The following MAML3 variants were observed in gnomAD, a reference collection of about 807,000 sequenced individuals.
MAML3 encodes mastermind-like protein 3.
A neutral mutation model predicts 101.9 loss-of-function variants in MAML3; 27 were observed. The ratio of observed to expected loss-of-function variants is 0.27; its 90% CI spans 0.20 to 0.37. The LOEUF is 0.37. MAML3 is among the 10% of genes least tolerant of loss of function. The probability of loss-of-function intolerance (pLI) is 1.00; values close to 1 mark genes in which losing one functional copy is unlikely to be tolerated. For synonymous variants in MAML3, 501 were observed against 555.9 expected, an observed-to-expected ratio of 0.90 and a Z score of 1.39; for missense variants, 1,316 against 1,444.9, an observed-to-expected ratio of 0.91 and a Z score of 1.45.
At chr4:140,114,896 T>C (rs1728492195) in intron 1 of MAML3, among the ~76,000 whole-genome samples, 2 of 152,240 alleles carry the variant, frequency 1.3e-5, no homozygotes, top group South Asian at 4.1e-4. Flanking sequence ...CCTAATATCA[T>C]CAAATATTGA....
At chr4:139,912,819 G>A (rs946095063) in intron 1 of MAML3, among the ~76,000 whole-genome samples, 2 of 152,188 alleles carry the variant, frequency 1.3e-5, no homozygotes, top group African/African-American at 2.4e-5. Context: ...GAGGAAGCAC[G>A]GCCCTGCTCA....
intron 1 of MAML3, among the ~76,000 whole-genome samples, chr4:140,143,599 A>G (rs1296341794): frequency 2.6e-5 from 4 of 152,128 alleles, no homozygotes; most frequent in Non-Finnish European, 4.4e-5. Context: ...CGTCTCTACT[A>G]AAAATACAAA....
At chr4:139,841,086 C>A in intron 2 of MAML3, among the ~76,000 whole-genome samples, 1 of 152,136 alleles carries the variant, frequency 6.6e-6, no homozygotes, top group East Asian at 1.9e-4. Context: ...TGGCTTCCAG[C>A]ATTATAAGGG....
intron 1 of MAML3, among the ~76,000 whole-genome samples, chr4:140,149,341 T>C (rs922182928): frequency 1.5e-4 from 23 of 152,196 alleles, no homozygotes; most frequent in African/African-American, 5.3e-4. Flanking sequence ...ACCTGCTCTA[T>C]CAACAGGGCT....
In MAML3 at chr4:139,908,976, C is replaced by T. The variant is rs554103398; in HGVS notation, c.469-18009G>A. Among the ~76,000 whole-genome samples, 8 of 152,278 alleles carry T rather than the reference C, an allele frequency of 5.3e-5. No homozygotes were observed. In the South Asian group the frequency reaches 1.7e-3, roughly 32 times the overall value. On this transcript the variant is annotated intron_variant, in intron 1 of 4. Transcript: ENST00000509479. Reference sequence around the variant, plus strand: ...TGAAGTGTCACAGAAATACATTATGCGAAGTACGCCCTGAATCACATTTAG... The same window carrying T: ...TGAAGTGTCACAGAAATACATTATGTGAAGTACGCCCTGAATCACATTTAG...
intron 2 of MAML3, among the ~76,000 whole-genome samples, chr4:139,768,223 T>TGTGTG (rs1491117521): frequency 5.5e-4 from 4 of 7,266 alleles, no homozygotes; most frequent in African/African-American, 2.3e-3. Flanking sequence ...TGTTGATAGT[T>TGTGTG]GTGTGTGTGT....
chr4:139,927,747 C>T (rs960644041), intron 1 of MAML3, among the ~76,000 whole-genome samples: 3 of 152,148 alleles, frequency 2.0e-5, no homozygotes, highest in African/African-American at 7.2e-5. Flanking sequence ...GCCATGGGAA[C>T]ACATTTATGC....
chr4:139,974,199 G>A (rs1021071188), intron 1 of MAML3, among the ~76,000 whole-genome samples: 4 of 150,568 alleles, frequency 2.7e-5, no homozygotes, highest in South Asian at 2.1e-4. Context: ...TCCGCCTCCC[G>A]GGTTCACACC....
intron 1 of MAML3, among the ~76,000 whole-genome samples, chr4:140,019,718 C>T (rs1027263492): frequency 1.3e-5 from 2 of 152,258 alleles, no homozygotes; most frequent in Non-Finnish European, 2.9e-5. Context: ...TTGGAAGCAC[C>T]GAAGTCCTTT....
intron 2 of MAML3, among the ~76,000 whole-genome samples, chr4:139,762,796 G>A (rs1449170622): frequency 4.6e-5 from 7 of 152,122 alleles, no homozygotes; most frequent in Admixed American, 2.6e-4. Context: ...TGTAGACCTC[G>A]TTGACCCTAA....
chr4:139,780,629 T>C (rs796713241), intron 2 of MAML3, among the ~76,000 whole-genome samples: 4,835 of 148,434 alleles, frequency 0.033, 171 homozygotes, highest in African/African-American at 0.085. Flanking sequence ...TTTTCTTTTT[T>C]TTTTTTTTTT....
At chr4:140,132,021 C>A (rs1560903584) in intron 1 of MAML3, among the ~76,000 whole-genome samples, 1 of 152,182 alleles carries the variant, frequency 6.6e-6, no homozygotes, top group Non-Finnish European at 1.5e-5. Context: ...TGTGTATGTG[C>A]GGCAATTGGA....
chr4:140,087,740 T>C (rs1727976487), intron 1 of MAML3, among the ~76,000 whole-genome samples: 1 of 152,224 alleles, frequency 6.6e-6, no homozygotes, highest in African/African-American at 2.4e-5. Context: ...ATTTATCATC[T>C]ATATTTCATC....
chr4:139,718,742 A>G lies in MAML3; in HGVS notation c.*581T>C, dbSNP rs549322436. 6 of 153,662 alleles carry G rather than the reference A, an allele frequency of 3.9e-5. No homozygotes were observed. The highest frequency in any genetic ancestry group is 9.6e-5 in the African/African-American group (4 of 41,554). The allele number at this position is 153,662 out of a possible 1,614,324, so 9.5% of individuals were successfully genotyped here. A position where few individuals can be genotyped will look rare whatever the true frequency, so the allele number is the denominator to read the frequency against. On this transcript the variant is annotated 3_prime_UTR_variant, in exon 5 of 5. Coordinates refer to ENST00000509479, the MANE Select transcript of MAML3 (RefSeq NM_018717.5). ...GATCTGTGGTTGTCTCCTTTTGACAATCTCACTGTTCTTCGTGCCTGCCCT... is the reference window on the plus strand; with the variant it reads ...GATCTGTGGTTGTCTCCTTTTGACAGTCTCACTGTTCTTCGTGCCTGCCCT...
chr4:140,096,820 T>C (rs113612433), intron 1 of MAML3, among the ~76,000 whole-genome samples: 2,528 of 151,870 alleles, frequency 0.017, 66 homozygotes, highest in African/African-American at 0.056. Flanking sequence ...ACCGAGAGAG[T>C]TACATTCTGT....
chr4:139,823,521 C>G (rs936743380), intron 2 of MAML3, among the ~76,000 whole-genome samples: 2 of 152,098 alleles, frequency 1.3e-5, no homozygotes, highest in Admixed American at 6.6e-5. Context: ...TGCGTGTTGG[C>G]ATTCCTGGTC....
intron 1 of MAML3, among the ~76,000 whole-genome samples, chr4:140,020,352 A>C (rs1325424783): frequency 6.6e-6 from 1 of 152,198 alleles, no homozygotes; most frequent in Non-Finnish European, 1.5e-5. Flanking sequence ...GATATTTTAA[A>C]AGAACAGTTT....
chr4:140,150,511 G>T (rs1452664977), intron 1 of MAML3, among the ~76,000 whole-genome samples: 1 of 152,176 alleles, frequency 6.6e-6, no homozygotes, highest in African/African-American at 2.4e-5. Flanking sequence ...TTTGTTCCAG[G>T]GTCCCCCAGC....
chr4:139,826,985 T>G (rs1377913768), intron 2 of MAML3, among the ~76,000 whole-genome samples: 1 of 152,048 alleles, frequency 6.6e-6, no homozygotes, highest in East Asian at 1.9e-4. Context: ...AAAAAGAAAG[T>G]AAGCCAGAAG....
Sources: allele counts gnomAD v4.1 joint callset (sites outside exome capture counted in the v4.1 genomes callset), GRCh38; gene constraint gnomAD v4.1.1; transcripts MANE v1.5; gene names NCBI Gene and HGNC (gene_info 2026-07-23, HGNC 2026-07-21).